ZNF737: variants seen among roughly 807,000 people sequenced by gnomAD.
ZNF737 encodes the protein zinc finger protein 102 (Y3).
Under a neutral mutation model 11.7 loss-of-function variants are expected in ZNF737, and 13 were observed. That is an observed-to-expected ratio of 1.11 (90% CI 0.73 to 1.77). ZNF737 has a LOEUF of 1.77. Among genes scored for constraint, ZNF737 ranks in the 40% most tolerant of loss-of-function variants. The pLI is 0.00. For missense variants in ZNF737, 636 were observed against 638.0 expected (o/e 1.00, Z 0.03); for synonymous variants, 217 against 216.2 (o/e 1.00, Z -0.03).
At chr19:20,546,027 T>A in intron 3 of ZNF737, 51 bp from the exon 4 acceptor site, 1 of 1,513,072 alleles carries the variant, frequency 6.6e-7, no homozygotes, top group Non-Finnish European at 8.8e-7. Context: ...CTCAGATAAA[T>A]ATACTTTACA....
rs1968121480 is a variant in ZNF737 at position 20,539,683 on chromosome 19, T to C, written c.*4909A>G. ...TCTATAATTAGAAGTTAATTATTTA[T>C]AAATTCATTGTTTTTAAGGTTTTTC... On this transcript the variant is annotated 3_prime_UTR_variant, in exon 4 of 4. Transcript: ENST00000427401. 1 of 948,524 alleles carries C rather than the reference T, an allele frequency of 1.1e-6. No homozygotes were observed. The highest frequency in any genetic ancestry group is 6.2e-5 in the Admixed American group (1 of 16,218). 58.8% of individuals were successfully genotyped at this position (948,524 alleles called of 1,614,324 possible). A position where few individuals can be genotyped will look rare whatever the true frequency, so the allele number is the denominator to read the frequency against.
At chr19:20,535,303 A>T (rs552999405), downstream of ZNF737, among the ~76,000 whole-genome samples, 23 of 152,222 alleles carry the variant, frequency 1.5e-4, no homozygotes, top group South Asian at 8.3e-4. Flanking sequence ...ACAACAAAAT[A>T]AAAGAGAAGG....
rs1968172681 is a variant in ZNF737 at position 20,540,829 on chromosome 19, A to G, written c.*3763T>C. On this transcript the variant is annotated 3_prime_UTR_variant, in exon 4 of 4. Transcript: ENST00000427401. ...ACAAAGATATCAACTGGATATAATA[A>G]TTAACTACTTTTTAGTTTTATTCAT... 1 of 924,156 alleles carries G rather than the reference A, an allele frequency of 1.1e-6. No individual in the cohort carries two copies. Among genetic ancestry groups the G allele is most frequent in the Non-Finnish European group, 1.3e-6 (1 of 774,554 alleles). The allele number at this position is 924,156 out of a possible 1,614,324, so 57.2% of individuals were successfully genotyped here.
chr19:20,551,638 A>C (rs1968675683), intron 3 of ZNF737, among the ~76,000 whole-genome samples: 1 of 151,922 alleles, frequency 6.6e-6, no homozygotes, highest in Non-Finnish European at 1.5e-5. Context: ...CATACGCTTA[A>C]AACAAACTAT....
Position 20,545,660 on chromosome 19 carries a change from A to C in ZNF737, c.543T>G (p.Ala181=). 6.2e-7 allele frequency: 1 copy of C among 1,613,836 alleles called. No individual in the cohort carries two copies. The highest frequency in any genetic ancestry group is 2.2e-5 in the East Asian group (1 of 44,862). The part of the protein sequence containing the change: ...KPFKCIECGK[A]FNQSSTLTTH... ...TAGTAAGGGTTGAAGACTGGTTAAA[A>C]GCTTTGCCACATTCTATACATTTGA... is the stretch of plus-strand genomic sequence containing the variant. The change falls in exon 4 of 4, where the codon GCT becomes GCG. Residue 181 remains alanine (A), a synonymous_variant. Transcript: ENST00000427401.
chr19:20,543,169 A>G lies in ZNF737; in HGVS notation c.*1423T>C. 6 of 971,392 alleles carry G rather than the reference A, an allele frequency of 6.2e-6. No homozygotes were observed. Among genetic ancestry groups the G allele is most frequent in the Non-Finnish European group, 7.3e-6 (6 of 818,910 alleles). 60.2% of individuals were successfully genotyped at this position (971,392 alleles called of 1,614,324 possible). A position where few individuals can be genotyped will look rare whatever the true frequency, so the allele number is the denominator to read the frequency against. On this transcript the variant is annotated 3_prime_UTR_variant, in exon 4 of 4. Transcript: ENST00000427401. ...CATCTGCAAAATTATATTTTAGCAT[A>G]AACTCTCTGTTGTTTTCTAAGCTGT...
At chr19:20,558,198 C>T (rs1200639011) in intron 1 of ZNF737, among the ~76,000 whole-genome samples, 3 of 151,738 alleles carry the variant, frequency 2.0e-5, no homozygotes, top group Non-Finnish European at 4.4e-5. Flanking sequence ...GCAGGAGAAT[C>T]GCTTGAACCA....
chr19:20,532,071 A>C (rs1967843923), downstream of ZNF737, among the ~76,000 whole-genome samples: 1 of 150,306 alleles, frequency 6.7e-6, no homozygotes, highest in African/African-American at 2.5e-5. Context: ...CCACAGAAAT[A>C]AGCTGAAAAG....
chr19:20,532,412 A>G (rs1164418832), downstream of ZNF737, among the ~76,000 whole-genome samples: 7 of 149,852 alleles, frequency 4.7e-5, no homozygotes, highest in Non-Finnish European at 7.4e-5. Context: ...TAAACATTTC[A>G]TAGACATACC....
At chr19:20,531,774 C>T (rs1338957781), downstream of ZNF737, among the ~76,000 whole-genome samples, 2 of 149,930 alleles carry the variant, frequency 1.3e-5, no homozygotes, top group African/African-American at 4.9e-5. Context: ...TACTTTTTAT[C>T]TCACTATTCA....
chr19:20,534,458 T>TATCTATC (rs1967905907), downstream of ZNF737, among the ~76,000 whole-genome samples: 1 of 84,788 alleles, frequency 1.2e-5, no homozygotes, highest in Admixed American at 1.5e-4. Context: ...AAAAAATATC[T>TATCTATC]ATCTATCTAT....
At chr19:20,565,367 A>G (rs1969256746) in intron 1 of ZNF737, among the ~76,000 whole-genome samples, 1 of 152,028 alleles carries the variant, frequency 6.6e-6, no homozygotes, top group Non-Finnish European at 1.5e-5. Context: ...ATTCTGGGAG[A>G]GACGGGAGGC....
At chr19:20,531,054 C>T (rs1218055928), downstream of ZNF737, among the ~76,000 whole-genome samples, 8 of 146,770 alleles carry the variant, frequency 5.5e-5, 1 homozygote, top group East Asian at 2.1e-4. Context: ...AGCAAAACCC[C>T]GTCTCCACCA....
At chr19:20,552,070 C>A (rs1968696670) in intron 3 of ZNF737, among the ~76,000 whole-genome samples, 1 of 150,308 alleles carries the variant, frequency 6.7e-6, no homozygotes. Context: ...GAAAAATAAA[C>A]AAAAAAATTG....
rs1350503062 is a variant in ZNF737 at position 20,542,758 on chromosome 19, GAA to G, written c.*1832_*1833del. ...ATTTTAATGTTCTTACTATTTTATAGAAAAAGTCATAATGTCCAAATAATGTA... is the reference window on the plus strand; with the variant it reads ...ATTTTAATGTTCTTACTATTTTATAGAAAGTCATAATGTCCAAATAATGTA... On this transcript the variant is annotated 3_prime_UTR_variant, in exon 4 of 4. Transcript: ENST00000427401. 14 of 984,592 alleles carry G rather than the reference GAA, an allele frequency of 1.4e-5. No individual in the cohort carries two copies. Among genetic ancestry groups the G allele is most frequent in the South Asian group, 9.4e-5 (2 of 21,268 alleles). 61.0% of individuals were successfully genotyped at this position (984,592 alleles called of 1,614,324 possible). A position where few individuals can be genotyped will look rare whatever the true frequency, so the allele number is the denominator to read the frequency against.
At chr19:20,535,528 G>C (rs543591350), downstream of ZNF737, among the ~76,000 whole-genome samples, 1 of 139,956 alleles carries the variant, frequency 7.1e-6, no homozygotes, top group African/African-American at 2.6e-5. Context: ...CAAAATCCTC[G>C]TTTTTTTTTT....
rs145553321 is a variant in ZNF737, at chr19:20,540,376, CAA to C, written c.*4214_*4215del. 0.012 allele frequency among the ~76,000 whole-genome samples: 1,771 copies of C among 152,178 alleles called. 26 individuals carry two copies. The highest frequency in any genetic ancestry group is 0.036 in the African/African-American group (1,488 of 41,528). On this transcript the variant is annotated 3_prime_UTR_variant, in exon 4 of 4. Coordinates refer to ENST00000427401, the MANE Select transcript of ZNF737 (RefSeq NM_001159293.2). ...CACAGTCACACATTTTTTTTACACT[CAA>C]GAGGAAAGTATGACACAGCACGTGT...
intron 1 of ZNF737, 66 bp downstream of exon 1, chr19:20,565,572 A>G: frequency 6.2e-7 from 1 of 1,613,502 alleles, no homozygotes; most frequent in Non-Finnish European, 8.5e-7. Context: ...GTCCCGCCAC[A>G]GCCACTTCCC....
downstream of ZNF737, among the ~76,000 whole-genome samples, chr19:20,536,830 C>T (rs1967985192): frequency 6.6e-6 from 1 of 152,188 alleles, no homozygotes; most frequent in Admixed American, 6.5e-5. Flanking sequence ...GTAATCCCAG[C>T]TACGCAGGAG....
Sources: gnomAD v4.1 joint callset for allele counts (sites outside exome capture counted in the v4.1 genomes callset) on GRCh38, gnomAD v4.1.1 for gene constraint, MANE v1.5 for transcripts, NCBI Gene and HGNC (gene_info 2026-07-23, HGNC 2026-07-21) for gene names.